Variants in NECTIN3 observed in about 807,000 individuals in gnomAD.
NECTIN3 encodes nectin cell adhesion molecule 3.
A neutral mutation model predicts 49.4 loss-of-function variants in NECTIN3; 8 were observed. That is an observed-to-expected ratio of 0.16 (90% CI 0.10 to 0.29). NECTIN3 has a LOEUF of 0.29. NECTIN3 is among the 10% of genes least tolerant of loss of function. The pLI is 1.00. For synonymous variants in NECTIN3, 277 were observed against 241.1 expected (o/e 1.15, Z -1.38); for missense variants, 581 against 654.6 (o/e 0.89, Z 1.23).
chr3:111,163,677 CTG>C (rs906389280), intron 7 of NECTIN3, among the ~76,000 whole-genome samples: 2 of 151,948 alleles, frequency 1.3e-5, no homozygotes, highest in African/African-American at 4.8e-5. Flanking sequence ...CAATGAAAGA[CTG>C]AAAGTAAAAT....
Position 111,134,098 on chromosome 3 carries a change from T to C in NECTIN3, c.1533T>C (p.Tyr511=), listed in dbSNP as rs774440525. The C allele has an allele frequency of 5.0e-6, 8 of 1,613,526 alleles. No individual in the cohort carries two copies. The highest frequency in any genetic ancestry group is 3.3e-5 in the Admixed American group (2 of 59,936). ...GGTTTGAAAGACCAATGGATTATTA[T>C]GAAGATCTAAAAATGGGAATGAAGT... ...LNRFERPMDY[Y]EDLKMGMKFV... Residue 511 remains tyrosine, a synonymous_variant, in exon 6 of 6, where the codon TAT becomes TAC. Coordinates refer to ENST00000485303, the MANE Select transcript of NECTIN3 (RefSeq NM_015480.3).
intron 3 of NECTIN3, among the ~76,000 whole-genome samples, chr3:111,120,653 TG>T (rs2033906848): frequency 6.6e-6 from 1 of 152,180 alleles, no homozygotes; most frequent in Admixed American, 6.5e-5. Context: ...CAGTCTTCCC[TG>T]GCAGAGGTAA....
At chr3:111,142,544 A>G (rs534127048), downstream of NECTIN3, among the ~76,000 whole-genome samples, 1 of 152,014 alleles carries the variant, frequency 6.6e-6, no homozygotes, top group South Asian at 2.1e-4. Flanking sequence ...AAAATGTTTA[A>G]GAATATATAT....
Position 111,134,616 on chromosome 3 carries a change from C to T in NECTIN3, c.*401C>T, listed in dbSNP as rs972457051. ...AGTATGATGTTTGTTTAACATATAC[C>T]TCTCAAAATTTATCACCACTCAATG... On this transcript the variant is annotated 3_prime_UTR_variant, in exon 6 of 6. Transcript: ENST00000485303. The T allele has an allele frequency of 1.1e-5, 10 of 910,666 alleles. No homozygotes were observed. In the African/African-American group the frequency reaches 1.8e-4, roughly 16 times the overall value. The allele number at this position is 910,666 out of a possible 1,614,324, so 56.4% of individuals were successfully genotyped here.
chr3:111,146,903 TTTTG>T (rs1280433077), intron 6 of NECTIN3, among the ~76,000 whole-genome samples: 3 of 152,152 alleles, frequency 2.0e-5, no homozygotes, highest in African/African-American at 7.2e-5. Flanking sequence ...GTAATGGTTA[TTTTG>T]TTTATTTCAG....
chr3:111,166,192 G>T (rs1361004798), intron 7 of NECTIN3, among the ~76,000 whole-genome samples: 1 of 152,174 alleles, frequency 6.6e-6, no homozygotes, highest in Non-Finnish European at 1.5e-5. Context: ...GAAGGCTGGA[G>T]AATTGACCCC....
Position 111,134,967 on chromosome 3 carries a change from A to C in NECTIN3, c.*752A>C, listed in dbSNP as rs12630018. 103 of 978,498 alleles carry C rather than the reference A, an allele frequency of 1.1e-4. No individual in the cohort carries two copies. The East Asian group carries it at 8.4e-3, about 80-fold the overall frequency. The allele number at this position is 978,498 out of a possible 1,614,324, so 60.6% of individuals were successfully genotyped here. On this transcript the variant is annotated 3_prime_UTR_variant, in exon 6 of 6. Transcript: ENST00000485303. ...AAAATACATACCTTTCAAACATGAT[A>C]ATTATTAGTTTTTTTTTTTCCTTTC... is the stretch of plus-strand genomic sequence containing the variant.
chr3:111,188,250 C>A (rs72937981), upstream of NECTIN3, among the ~76,000 whole-genome samples: 4,178 of 152,228 alleles, frequency 0.027, 206 homozygotes, highest in African/African-American at 0.096. Flanking sequence ...GTTTATATAG[C>A]CACACAGTGC....
intron 7 of NECTIN3, among the ~76,000 whole-genome samples, chr3:111,154,132 AGTCCTAG>A: frequency 6.6e-6 from 1 of 152,190 alleles, no homozygotes; most frequent in East Asian, 1.9e-4. Context: ...CATTTCCAAA[AGTCCTAG>A]TGTCCCTTTG....
At chr3:111,133,588 C>T in intron 5 of NECTIN3, 47 bp from the exon 6 acceptor site, 1 of 1,564,042 alleles carries the variant, frequency 6.4e-7, no homozygotes, top group Admixed American at 1.8e-5. Context: ...CCTGCATTGA[C>T]ATTCTTTGCC....
intron 7 of NECTIN3, among the ~76,000 whole-genome samples, chr3:111,161,021 G>A (rs1038197531): frequency 1.3e-5 from 2 of 152,136 alleles, no homozygotes; most frequent in African/African-American, 4.8e-5. Flanking sequence ...AAAATGGATC[G>A]AGTTTAGGGA....
intron 4 of NECTIN3, among the ~76,000 whole-genome samples, chr3:111,122,939 C>G (rs934772093): frequency 2.0e-5 from 3 of 151,848 alleles, no homozygotes; most frequent in African/African-American, 7.3e-5. Context: ...CCTGTTCACT[C>G]TTTTTGGAAC....
chr3:111,148,813 C>T (rs945882514), intron 7 of NECTIN3, among the ~76,000 whole-genome samples: 6 of 151,816 alleles, frequency 4.0e-5, no homozygotes, highest in Admixed American at 3.3e-4. Flanking sequence ...ATATTCATCT[C>T]TTATTTTTTA....
chr3:111,093,067 T>C (rs2032368900), intron 1 of NECTIN3, among the ~76,000 whole-genome samples: 1 of 152,226 alleles, frequency 6.6e-6, no homozygotes, highest in Admixed American at 6.5e-5. Flanking sequence ...GTGGCACTGC[T>C]TTCTTAATTT....
At chr3:111,131,429 CAG>C (rs1453821316) in intron 5 of NECTIN3, among the ~76,000 whole-genome samples, 11 of 151,872 alleles carry the variant, frequency 7.2e-5, no homozygotes, top group South Asian at 6.2e-4. Context: ...AATTAGAAAA[CAG>C]AGAAAATATT....
At chr3:111,084,173 A>G (rs144874494) in intron 1 of NECTIN3, among the ~76,000 whole-genome samples, 1,530 of 151,890 alleles carry the variant, frequency 0.01, 33 homozygotes, top group African/African-American at 0.034. Context: ...ATGTTGAGAC[A>G]CTTCCAGGTG....
chr3:111,118,009 A>G (rs2033761525), intron 2 of NECTIN3, among the ~76,000 whole-genome samples: 1 of 151,852 alleles, frequency 6.6e-6, no homozygotes, highest in Non-Finnish European at 1.5e-5. Flanking sequence ...AAGTAATTGA[A>G]CACATTCAGC....
intron 7 of NECTIN3, among the ~76,000 whole-genome samples, chr3:111,176,030 T>A (rs2035521918): frequency 6.6e-6 from 1 of 152,214 alleles, no homozygotes; most frequent in South Asian, 2.1e-4. Flanking sequence ...CATCCTGCAA[T>A]GACATTTACC....
chr3:111,139,290 A>G (rs1188453946), downstream of NECTIN3, among the ~76,000 whole-genome samples: 1 of 151,764 alleles, frequency 6.6e-6, no homozygotes, highest in Non-Finnish European at 1.5e-5. Flanking sequence ...GGCTTTCCAA[A>G]TATGATCCAT....
Sources: allele counts gnomAD v4.1 joint callset (sites outside exome capture counted in the v4.1 genomes callset), GRCh38; gene constraint gnomAD v4.1.1; transcripts MANE v1.5; gene names NCBI Gene and HGNC (gene_info 2026-07-23, HGNC 2026-07-21).